Variants in SLC1A2 observed in about 807,000 individuals in gnomAD.
SLC1A2 encodes excitatory amino acid transporter 2.
SLC1A2 carries 15 observed loss-of-function variants against 48.8 expected under a neutral mutation model. The observed-to-expected ratio is 0.31, with a 90% CI of 0.21 to 0.47. SLC1A2 has a LOEUF of 0.47. Ranked by LOEUF, SLC1A2 falls within the 20% of genes least tolerant of loss-of-function variation. The pLI is 0.99. For missense variants in SLC1A2, 502 were observed against 730.5 expected (o/e 0.69, Z 3.61); for synonymous variants, 279 against 272.6 (o/e 1.02, Z -0.23).
intron 1 of SLC1A2, chr11:35,322,513 GGT>G (rs1565242929): frequency 1.7e-6 from 2 of 1,156,732 alleles, no homozygotes; most frequent in East Asian, 2.6e-5. Context: ...AAAAGCAACT[GGT>G]GTGTTTCTCC....
At chr11:35,385,485 C>A (rs536938828) in intron 1 of SLC1A2, among the ~76,000 whole-genome samples, 22 of 152,312 alleles carry the variant, frequency 1.4e-4, no homozygotes, top group African/African-American at 2.6e-4. Flanking sequence ...CTCCCATTCT[C>A]CCTAAACAGA....
At chr11:35,393,546 CT>C (rs1590267863) in intron 1 of SLC1A2, among the ~76,000 whole-genome samples, 2 of 152,186 alleles carry the variant, frequency 1.3e-5, no homozygotes, top group Admixed American at 6.5e-5. Flanking sequence ...CTCTTCACTT[CT>C]TTCCACTGCC....
At chr11:35,340,132 G>A (rs1038574006) in intron 1 of SLC1A2, among the ~76,000 whole-genome samples, 7 of 152,124 alleles carry the variant, frequency 4.6e-5, no homozygotes, top group Admixed American at 3.3e-4. Flanking sequence ...TCACTTCTCT[G>A]AGCAGAGAGA....
intron 1 of SLC1A2, among the ~76,000 whole-genome samples, chr11:35,383,666 A>T (rs986167378): frequency 5.3e-5 from 8 of 152,232 alleles, no homozygotes; most frequent in African/African-American, 1.9e-4. Context: ...AGCATTTAAA[A>T]CAATGCCTGG....
intron 1 of SLC1A2, among the ~76,000 whole-genome samples, chr11:35,393,103 T>C (rs533644412): frequency 2.2e-4 from 34 of 152,146 alleles, no homozygotes; most frequent in Non-Finnish European, 1.0e-4. Flanking sequence ...TGGTCCTAGA[T>C]TCAAACATCT....
chr11:35,321,677 G>T (rs778889986), intron 1 of SLC1A2, among the ~76,000 whole-genome samples: 1 of 152,126 alleles, frequency 6.6e-6, no homozygotes, highest in Non-Finnish European at 1.5e-5. Context: ...CCAGGAAGAG[G>T]TGAGTTGGAT....
At chr11:35,262,565 C>A (rs1950409804) in intron 10 of SLC1A2, among the ~76,000 whole-genome samples, 1 of 152,198 alleles carries the variant, frequency 6.6e-6, no homozygotes, top group South Asian at 2.1e-4. Context: ...AATAGTGAGA[C>A]AGAATTAACC....
At chr11:35,282,502 C>A (rs146968733) in intron 8 of SLC1A2, among the ~76,000 whole-genome samples, 104 of 152,224 alleles carry the variant, frequency 6.8e-4, no homozygotes, top group African/African-American at 2.5e-3. Flanking sequence ...CATTGCAACT[C>A]CCCCACCCCC....
chr11:35,402,085 G>A (rs777187684), intron 1 of SLC1A2, among the ~76,000 whole-genome samples: 1 of 152,178 alleles, frequency 6.6e-6, no homozygotes, highest in African/African-American at 2.4e-5. Context: ...AGAGGGTTGT[G>A]ATACAATAAA....
intron 4 of SLC1A2, among the ~76,000 whole-genome samples, chr11:35,311,408 C>A (rs758123717): frequency 6.6e-6 from 1 of 152,164 alleles, no homozygotes; most frequent in Non-Finnish European, 1.5e-5. Flanking sequence ...GATCCCCCTG[C>A]CTCGGCCTCT....
chr11:35,394,472 GA>G (rs912211400), intron 1 of SLC1A2, among the ~76,000 whole-genome samples: 1 of 151,258 alleles, frequency 6.6e-6, no homozygotes, highest in East Asian at 1.9e-4. Context: ...CTCCCCTGAT[GA>G]AAAAAAAATC....
chr11:35,277,488 C>A (rs770178374), intron 9 of SLC1A2, among the ~76,000 whole-genome samples: 9 of 152,200 alleles, frequency 5.9e-5, no homozygotes, highest in Non-Finnish European at 1.0e-4. Context: ...CTTTTCCTCA[C>A]TCCTGATCAT....
At chr11:35,391,827 C>T (rs1022570787) in intron 1 of SLC1A2, among the ~76,000 whole-genome samples, 10 of 152,138 alleles carry the variant, frequency 6.6e-5, no homozygotes, top group African/African-American at 2.4e-4. Context: ...CACTTTCAAC[C>T]CTCAAACCTA....
intron 1 of SLC1A2, chr11:35,370,884 GA>G (rs1277302240): frequency 1.1e-6 from 1 of 908,298 alleles, no homozygotes; most frequent in Admixed American, 6.2e-5. Flanking sequence ...AGTGGCCCAG[GA>G]AAAGAAAAGA....
At chr11:35,294,228 G>A (rs1342236592) in intron 6 of SLC1A2, among the ~76,000 whole-genome samples, 1 of 152,142 alleles carries the variant, frequency 6.6e-6, no homozygotes, top group Non-Finnish European at 1.5e-5. Context: ...AATCCTGAAG[G>A]AACTGATCTG....
chr11:35,349,198 C>A (rs112516099), intron 1 of SLC1A2, among the ~76,000 whole-genome samples: 6 of 152,196 alleles, frequency 3.9e-5, no homozygotes, highest in African/African-American at 1.4e-4. Flanking sequence ...GCGCGGGAAG[C>A]CTGCATTGAG....
intron 10 of SLC1A2, chr11:35,262,017 A>T (rs1950401737): frequency 3.2e-6 from 1 of 315,326 alleles, no homozygotes; most frequent in Non-Finnish European, 5.7e-6. Flanking sequence ...ATTAAACTTG[A>T]AAACTATTGT....
intron 1 of SLC1A2, chr11:35,322,534 G>T: frequency 1.5e-6 from 2 of 1,340,702 alleles, no homozygotes; most frequent in Non-Finnish European, 2.1e-6. Context: ...CCTGGAGGAT[G>T]TGAGGTTTGC....
At chr11:35,395,321 T>C (rs759755154) in intron 1 of SLC1A2, among the ~76,000 whole-genome samples, 1 of 151,956 alleles carries the variant, frequency 6.6e-6, no homozygotes, top group African/African-American at 2.4e-5. Context: ...TCTCTCTCCC[T>C]CTCTTTTTAA....
Sources: gnomAD v4.1 joint callset for allele counts (sites outside exome capture counted in the v4.1 genomes callset) on GRCh38, gnomAD v4.1.1 for gene constraint, MANE v1.5 for transcripts, NCBI Gene and HGNC (gene_info 2026-07-23, HGNC 2026-07-21) for gene names.